Variants in DNAH6 observed in about 807,000 individuals in gnomAD.
DNAH6 encodes axonemal beta dynein heavy chain 6.
Under a neutral mutation model 491.4 loss-of-function variants are expected in DNAH6, and 340 were observed. The observed-to-expected ratio is 0.69, with a 90% CI of 0.63 to 0.76. The LOEUF (loss-of-function observed/expected upper bound fraction) is 0.76, where lower values mean the gene tolerates loss of function less well. Ranked by LOEUF, DNAH6 falls within the 30% of genes least tolerant of loss-of-function variation. The pLI, the probability that DNAH6 is intolerant of heterozygous loss-of-function variation, is 0.00. For synonymous variants in DNAH6, 1,603 were observed against 1,686.1 expected, an observed-to-expected ratio of 0.95 and a Z score of 1.21; for missense variants, 4,443 against 4,972.2, an observed-to-expected ratio of 0.89 and a Z score of 3.20.
rs1356823063 is a variant in DNAH6 at position 84,812,523 on chromosome 2, G to A, written c.11922G>A (p.Val3974=). 4.3e-5 allele frequency: 66 copies of A among 1,545,734 alleles called. No individual in the cohort carries two copies. The East Asian group carries it at 1.5e-3, about 35-fold the overall frequency. Residue 3974 remains valine (V), a synonymous_variant, in exon 73 of 77, where the codon GTG becomes GTA. Transcript: ENST00000389394. ...ACCTTATCCTGAGGACCTCATTTGT[G>A]GATGTAAGAAAATTCCTTTCACTGG... is the stretch of plus-strand genomic sequence containing the variant. ...VKDLILRTSF[V]DLWLKRGQPK...
At chr2:84,704,706 A>C (rs1001245956) in intron 51 of DNAH6, among the ~76,000 whole-genome samples, 1 of 152,172 alleles carries the variant, frequency 6.6e-6, no homozygotes, top group Non-Finnish European at 1.5e-5. Context: ...TTGGAGTGGG[A>C]TGGGGCTGGG....
chr2:84,818,882 T>C (rs1443603976), intron 76 of DNAH6, among the ~76,000 whole-genome samples: 1 of 152,186 alleles, frequency 6.6e-6, no homozygotes, highest in African/African-American at 2.4e-5. Flanking sequence ...GAGACCAGCC[T>C]AGCCAACTGG....
At chr2:84,577,951 A>G (rs544875821) in intron 13 of DNAH6, among the ~76,000 whole-genome samples, 9 of 152,230 alleles carry the variant, frequency 5.9e-5, no homozygotes, top group Non-Finnish European at 1.2e-4. Context: ...ACTATAGCCC[A>G]CAGAGCCAAC....
the DNAH6 span, among the ~76,000 whole-genome samples, chr2:84,494,029 G>C: frequency 1.3e-5 from 2 of 152,204 alleles, no homozygotes; most frequent in African/African-American, 4.8e-5. Flanking sequence ...AGGCAAGACA[G>C]AATGGACAGA....
At chr2:84,748,708 C>T (rs1275757906) in intron 63 of DNAH6, among the ~76,000 whole-genome samples, 2 of 152,226 alleles carry the variant, frequency 1.3e-5, no homozygotes, top group Admixed American at 6.5e-5. Context: ...CAGTTCAAAG[C>T]TGCTTACACA....
At chr2:84,732,201 T>C (rs1699178723) in intron 61 of DNAH6, among the ~76,000 whole-genome samples, 1 of 152,096 alleles carries the variant, frequency 6.6e-6, no homozygotes, top group Non-Finnish European at 1.5e-5. Flanking sequence ...CTACAATACA[T>C]TACAGATTGA....
chr2:84,745,042 A>C, intron 62 of DNAH6, 38 bp from the exon 63 acceptor site: 1 of 1,316,232 alleles, frequency 7.6e-7, no homozygotes. Flanking sequence ...AGCCAAAACA[A>C]ATCTAATTAA....
intron 37 of DNAH6, among the ~76,000 whole-genome samples, chr2:84,662,110 TA>T (rs567137079): frequency 9.4e-5 from 14 of 149,668 alleles, no homozygotes; most frequent in African/African-American, 1.2e-4. Context: ...CCTTGAGGTT[TA>T]AAAAAAAAAT....
At chr2:84,697,263 A>T (rs906002209) in intron 46 of DNAH6, among the ~76,000 whole-genome samples, 10 of 152,246 alleles carry the variant, frequency 6.6e-5, no homozygotes, top group African/African-American at 2.4e-4. Flanking sequence ...TTTGATAAAT[A>T]TGATGAGTAC....
chr2:84,763,389 T>G (rs993102456), intron 64 of DNAH6, among the ~76,000 whole-genome samples: 1 of 152,106 alleles, frequency 6.6e-6, no homozygotes, highest in African/African-American at 2.4e-5. Context: ...ATTTACATTA[T>G]TTTCTTCTGA....
the DNAH6 span, among the ~76,000 whole-genome samples, chr2:84,497,171 A>G: frequency 6.6e-6 from 1 of 152,044 alleles, no homozygotes; most frequent in African/African-American, 2.4e-5. Flanking sequence ...GAGTTTCACC[A>G]TGTTGGCCAG....
At chr2:84,617,687 T>C (rs574702688) in intron 23 of DNAH6, among the ~76,000 whole-genome samples, 50 of 152,066 alleles carry the variant, frequency 3.3e-4, no homozygotes, top group Non-Finnish European at 5.9e-4. Flanking sequence ...TGAATGAATA[T>C]GTGTGCCTGT....
chr2:84,573,148 C>G (rs1405365018), intron 11 of DNAH6, among the ~76,000 whole-genome samples: 1 of 152,202 alleles, frequency 6.6e-6, no homozygotes, highest in African/African-American at 2.4e-5. Flanking sequence ...AGTATTGCCT[C>G]TTTGCCATAT....
chr2:84,620,189 G>T (rs988446525), intron 24 of DNAH6, among the ~76,000 whole-genome samples: 3 of 152,176 alleles, frequency 2.0e-5, no homozygotes, highest in Admixed American at 1.3e-4. Flanking sequence ...AGGCACGCTA[G>T]TGGACTGGTT....
At chr2:84,752,179 G>A (rs1475195297) in intron 63 of DNAH6, among the ~76,000 whole-genome samples, 3 of 152,292 alleles carry the variant, frequency 2.0e-5, no homozygotes, top group East Asian at 1.9e-4. Flanking sequence ...AGCAACAATT[G>A]CAAGTTTTTC....
rs529639267 is a variant in DNAH6, at chr2:84,577,173, G to A, written c.1925-84G>A. The stretch of plus-strand genomic sequence containing the variant: ...TACATATATGTGTAAATTTATCAAT[G>A]CAATGATTTTTAATATATTTTGTAA... On this transcript the variant is annotated intron_variant, in intron 12 of 76. Transcript: ENST00000389394. 2.6e-4 allele frequency: 210 copies of A among 797,328 alleles called. 1 individual carries two copies. Among genetic ancestry groups the A allele is most frequent in the African/African-American group, 6.0e-4 (34 of 56,238 alleles). The allele number at this position is 797,328 out of a possible 1,614,324, so 49.4% of individuals were successfully genotyped here. A position where few individuals can be genotyped will look rare whatever the true frequency, so the allele number is the denominator to read the frequency against.
At chr2:84,584,519 T>C (rs1490374284) in intron 15 of DNAH6, 3 of 357,294 alleles carry the variant, frequency 8.4e-6, no homozygotes, top group East Asian at 6.0e-5. Context: ...TAGTTTTTTA[T>C]AGTATCATTC....
chr2:84,593,548 C>G (rs1031345002), intron 16 of DNAH6, among the ~76,000 whole-genome samples: 11 of 152,168 alleles, frequency 7.2e-5, no homozygotes, highest in African/African-American at 2.4e-4. Flanking sequence ...ACCATCTTCC[C>G]CACCAGCTAC....
At chr2:84,467,921 G>C in the DNAH6 span, among the ~76,000 whole-genome samples, 1 of 152,128 alleles carries the variant, frequency 6.6e-6, no homozygotes, top group African/African-American at 2.4e-5. Flanking sequence ...AAAGCATTTA[G>C]CAAACTTAAT....
Sources: gnomAD v4.1 joint callset for allele counts (sites outside exome capture counted in the v4.1 genomes callset) on GRCh38, gnomAD v4.1.1 for gene constraint, MANE v1.5 for transcripts, NCBI Gene and HGNC (gene_info 2026-07-23, HGNC 2026-07-21) for gene names.